Variants in DLG2 observed in about 807,000 individuals in gnomAD.
DLG2 encodes the protein disks large homolog 2.
Under a neutral mutation model 132.5 loss-of-function variants are expected in DLG2, and 45 were observed. The ratio of observed to expected loss-of-function variants is 0.34; its 90% CI spans 0.27 to 0.44. The LOEUF (loss-of-function observed/expected upper bound fraction) is 0.44, where lower values mean the gene tolerates loss of function less well. Ranked by LOEUF, DLG2 falls within the 20% of genes least tolerant of loss-of-function variation. The probability of loss-of-function intolerance (pLI) is 1.00; values close to 1 mark genes in which losing one functional copy is unlikely to be tolerated. For missense variants in DLG2, 1,045 were observed against 1,196.9 expected (o/e 0.87, Z 1.87); for synonymous variants, 424 against 419.6 (o/e 1.01, Z -0.13).
intron 6 of DLG2, among the ~76,000 whole-genome samples, chr11:84,736,885 C>G (rs2063905886): frequency 1.3e-5 from 2 of 151,892 alleles, no homozygotes; most frequent in African/African-American, 4.8e-5. Context: ...GTTAAAACAT[C>G]CAGAACAATG....
chr11:85,539,627 C>T (rs1387395618), intron 3 of DLG2, among the ~76,000 whole-genome samples: 2 of 152,054 alleles, frequency 1.3e-5, no homozygotes, highest in Non-Finnish European at 2.9e-5. Context: ...AAATTGTACA[C>T]TTTAAAAGAG....
At chr11:85,088,855 TAAACA>T (rs1322803171) in intron 6 of DLG2, among the ~76,000 whole-genome samples, 1 of 152,118 alleles carries the variant, frequency 6.6e-6, no homozygotes, top group Non-Finnish European at 1.5e-5. Flanking sequence ...CCTCTAATAA[TAAACA>T]AAACAAAAAG....
intron 11 of DLG2, among the ~76,000 whole-genome samples, chr11:83,988,475 G>A (rs2093487457): frequency 6.6e-6 from 1 of 152,126 alleles, no homozygotes; most frequent in African/African-American, 2.4e-5. Context: ...GATGGGAATA[G>A]CATTGAATGT....
intron 19 of DLG2, among the ~76,000 whole-genome samples, chr11:83,621,119 C>T (rs2061573378): frequency 6.6e-6 from 1 of 152,014 alleles, no homozygotes; most frequent in Non-Finnish European, 1.5e-5. Flanking sequence ...TTTCTTCTGG[C>T]ATTAAAATGC....
chr11:84,024,249 T>C (rs896358876), intron 11 of DLG2, among the ~76,000 whole-genome samples: 4 of 152,164 alleles, frequency 2.6e-5, no homozygotes, highest in African/African-American at 7.2e-5. Context: ...CTCTGACCTA[T>C]AGTTAATAAT....
At chr11:83,571,129 A>C (rs1009941535) in intron 19 of DLG2, among the ~76,000 whole-genome samples, 3 of 152,098 alleles carry the variant, frequency 2.0e-5, no homozygotes, top group Non-Finnish European at 4.4e-5. Context: ...TGATCCACCC[A>C]CCTTGGCCTC....
At chr11:84,722,279 A>G (rs1332607624) in intron 6 of DLG2, among the ~76,000 whole-genome samples, 1 of 152,218 alleles carries the variant, frequency 6.6e-6, no homozygotes, top group Non-Finnish European at 1.5e-5. Flanking sequence ...AAAAGTATCC[A>G]TGGCAAACTG....
intron 6 of DLG2, among the ~76,000 whole-genome samples, chr11:84,691,772 A>G (rs974113274): frequency 7.9e-5 from 12 of 151,672 alleles, no homozygotes; most frequent in Non-Finnish European, 1.5e-4. Context: ...TTGGGTAGTT[A>G]TTACTAATGG....
At chr11:84,831,751 G>A (rs1252397106) in intron 6 of DLG2, among the ~76,000 whole-genome samples, 1 of 151,594 alleles carries the variant, frequency 6.6e-6, no homozygotes, top group East Asian at 1.9e-4. Flanking sequence ...TTAAATGGAA[G>A]GCAAATACTC....
chr11:84,112,603 G>T (rs1337540558), intron 9 of DLG2, among the ~76,000 whole-genome samples: 1 of 150,998 alleles, frequency 6.6e-6, no homozygotes, highest in Admixed American at 6.6e-5. Flanking sequence ...GTATTTCTTG[G>T]CAATACTGTA....
chr11:84,173,414 G>A (rs781635976), intron 8 of DLG2, among the ~76,000 whole-genome samples: 16 of 152,236 alleles, frequency 1.1e-4, no homozygotes, highest in Admixed American at 1.3e-4. Context: ...CAAGGTTTTT[G>A]TCCCAACAAA....
intron 19 of DLG2, among the ~76,000 whole-genome samples, chr11:83,611,128 T>A (rs1047674891): frequency 6.6e-6 from 1 of 152,258 alleles, no homozygotes; most frequent in Non-Finnish European, 1.5e-5. Context: ...GTCTAATCTA[T>A]GTTGCAGGCT....
At chr11:83,676,429 T>C (rs2077702935) in intron 18 of DLG2, among the ~76,000 whole-genome samples, 1 of 152,228 alleles carries the variant, frequency 6.6e-6, no homozygotes, top group African/African-American at 2.4e-5. Context: ...ACTATGAGTA[T>C]ATATTCCCTT....
chr11:85,541,355 A>T (rs560450086), intron 3 of DLG2, among the ~76,000 whole-genome samples: 17 of 152,164 alleles, frequency 1.1e-4, no homozygotes, highest in Admixed American at 2.0e-4. Context: ...TTCATATAAC[A>T]TACAGCTGGA....
intron 3 of DLG2, among the ~76,000 whole-genome samples, chr11:85,405,386 A>G (rs182456615): frequency 1.1e-4 from 17 of 152,182 alleles, no homozygotes; most frequent in Admixed American, 9.8e-4. Context: ...TTGTTTAATA[A>G]CAATTTCAGG....
chr11:83,873,076 G>C (rs2154065910), intron 16 of DLG2, among the ~76,000 whole-genome samples: 1 of 152,216 alleles, frequency 6.6e-6, no homozygotes, highest in Non-Finnish European at 1.5e-5. Context: ...TTTATGAATT[G>C]TACAACCAGT....
intron 6 of DLG2, among the ~76,000 whole-genome samples, chr11:85,013,601 CTAAATAA>C (rs2059329067): frequency 6.6e-6 from 1 of 152,010 alleles, no homozygotes; most frequent in Admixed American, 6.6e-5. Context: ...TGCAATTGTT[CTAAATAA>C]TAAATAACAG....
At chr11:84,757,288 T>A (rs1399166489) in intron 6 of DLG2, among the ~76,000 whole-genome samples, 6 of 152,138 alleles carry the variant, frequency 3.9e-5, no homozygotes, top group African/African-American at 1.4e-4. Context: ...TAAGTGTATA[T>A]CTTTTGTTAA....
At chr11:84,962,227 G>A (rs1035791859) in intron 6 of DLG2, among the ~76,000 whole-genome samples, 11 of 152,202 alleles carry the variant, frequency 7.2e-5, no homozygotes, top group Non-Finnish European at 1.0e-4. Context: ...GAAACTTCAC[G>A]AGGGAGAGTA....
Sources: gnomAD v4.1 joint callset for allele counts (sites outside exome capture counted in the v4.1 genomes callset) on GRCh38, gnomAD v4.1.1 for gene constraint, MANE v1.5 for transcripts, NCBI Gene and HGNC (gene_info 2026-07-23, HGNC 2026-07-21) for gene names.